The following KIF7 variants were observed in gnomAD, a reference collection of about 807,000 sequenced individuals.
The protein encoded by KIF7 is kinesin family member 7, also known as kinesin-like protein KIF7.
Under a neutral mutation model 135.7 loss-of-function variants are expected in KIF7, and 104 were observed. That is an observed-to-expected ratio of 0.77 (90% CI 0.65 to 0.90). The LOEUF (loss-of-function observed/expected upper bound fraction) is 0.90. Ranked by LOEUF, KIF7 falls within the 40% of genes least tolerant of loss-of-function variation. The probability of loss-of-function intolerance (pLI) is 0.00; values close to 1 mark genes in which losing one functional copy is unlikely to be tolerated. For missense variants in KIF7, 2,005 were observed against 1,839.1 expected (o/e 1.09, Z -1.65); for synonymous variants, 883 against 809.4 (o/e 1.09, Z -1.54).
At chr15:89,635,999 C>T (rs1358354972) in intron 11 of KIF7, among the ~76,000 whole-genome samples, 1 of 151,890 alleles carries the variant, frequency 6.6e-6, no homozygotes, top group East Asian at 1.9e-4. Flanking sequence ...ACTCTACAAG[C>T]CAGAAGAGAG....
chr15:89,623,999 C>T, downstream of KIF7: 1 of 1,614,002 alleles, frequency 6.2e-7, no homozygotes, highest in Non-Finnish European at 8.5e-7. Context: ...GCCCCTCCAA[C>T]TTCATCGACT....
chr15:89,626,317 C>T (rs185221970), downstream of KIF7, among the ~76,000 whole-genome samples: 143 of 152,292 alleles, frequency 9.4e-4, no homozygotes, highest in Middle Eastern at 3.4e-3. Flanking sequence ...GTGGGCTTGC[C>T]GCAACATGCT....
chr15:89,645,490 C>A, intron 8 of KIF7, 39 bp from the exon 9 acceptor site: 1 of 1,525,414 alleles, frequency 6.6e-7, no homozygotes, highest in South Asian at 1.2e-5. Context: ...CCTCCCCAGC[C>A]CCTGCCCCAG....
At chr15:89,624,753 C>T (rs760061593), downstream of KIF7, 21 of 1,614,050 alleles carry the variant, frequency 1.3e-5, no homozygotes, top group South Asian at 1.1e-4. Context: ...TGAAAAGTAA[C>T]GTCTTATCAG....
At chr15:89,647,117 G>T (rs1033685553) in intron 6 of KIF7, 60 bp from the exon 7 acceptor site, 3 of 1,440,370 alleles carry the variant, frequency 2.1e-6, no homozygotes, top group Non-Finnish European at 2.8e-6. Context: ...AGGAGTGTAG[G>T]AAACTGAGGA....
At chr15:89,625,527 G>A (rs569414309), downstream of KIF7, 1 of 1,613,724 alleles carries the variant, frequency 6.2e-7, no homozygotes, top group African/African-American at 1.3e-5. Context: ...AGGATTTTGA[G>A]CTCGAGGGAG....
chr15:89,638,555 GA>G (rs1314815625), intron 11 of KIF7, among the ~76,000 whole-genome samples: 4,182 of 151,792 alleles, frequency 0.028, 190 homozygotes, highest in African/African-American at 0.096. Flanking sequence ...TTGCTTCAAA[GA>G]GAATAAAATA....
intron 1 of KIF7, among the ~76,000 whole-genome samples, chr15:89,619,046 T>C (rs1305462880): frequency 6.6e-6 from 1 of 152,204 alleles, no homozygotes; most frequent in Non-Finnish European, 1.5e-5. Flanking sequence ...ACATTTATTG[T>C]GGAAAAAACA....
In KIF7 at chr15:89,628,384, G is replaced by A; in HGVS notation, c.*35C>T. On this transcript the variant is annotated 3_prime_UTR_variant, in exon 19 of 19. Transcript: ENST00000394412. ...GCAGCTGCCCCTTTCAGCAGGCTCGGAGTCTCCCTCCAAGGCAGGGTCTGC... is the reference window on the plus strand; with the variant it reads ...GCAGCTGCCCCTTTCAGCAGGCTCGAAGTCTCCCTCCAAGGCAGGGTCTGC... 2 of 1,574,930 alleles carry A rather than the reference G, an allele frequency of 1.3e-6. No homozygotes were observed. The highest frequency in any genetic ancestry group is 1.7e-6 in the Non-Finnish European group (2 of 1,161,894).
At chr15:89,643,272 A>G (rs1387910393) in intron 10 of KIF7, among the ~76,000 whole-genome samples, 3 of 152,228 alleles carry the variant, frequency 2.0e-5, no homozygotes, top group African/African-American at 4.8e-5. Context: ...TCTTATCATC[A>G]TTACCTAAAC....
chr15:89,640,199 G>A (rs1348115306), intron 11 of KIF7, among the ~76,000 whole-genome samples: 1 of 151,964 alleles, frequency 6.6e-6, no homozygotes, highest in South Asian at 2.1e-4. Flanking sequence ...GCTAGATGAC[G>A]AGTTAGTGGG....
intron 3 of KIF7, 73 bp downstream of exon 3, chr15:89,649,667 TA>T: frequency 6.8e-7 from 1 of 1,472,204 alleles, no homozygotes; most frequent in Non-Finnish European, 9.2e-7. Flanking sequence ...CCCAGACAGG[TA>T]AGCACTCCAC....
chr15:89,623,497 T>C, downstream of KIF7: 1 of 1,031,940 alleles, frequency 9.7e-7, no homozygotes, highest in East Asian at 2.4e-5. Context: ...CTATTTGAGA[T>C]TTCCATCTTT....
In KIF7 at chr15:89,654,039, T is replaced by C. The variant is rs191530579; in HGVS notation, c.-24-1085A>G. ...TTTGTTTTTTATTTGAGACGGAGTC[T>C]TGCTCTGTTGCCCAGGCTGGACTGC... On this transcript the variant is annotated intron_variant, in intron 1 of 18. Transcript: ENST00000394412. Among the ~76,000 whole-genome samples, 200 of 152,326 alleles carry C rather than the reference T, an allele frequency of 1.3e-3. 1 individual carries two copies. Among genetic ancestry groups the C allele is most frequent in the Non-Finnish European group, 8.4e-4 (57 of 68,040 alleles).
rs757946358 is a variant in KIF7, at chr15:89,628,436, G to A, written c.4015C>T (p.Arg1339Trp). 6.2e-6 allele frequency: 10 copies of A among 1,606,332 alleles called. No homozygotes were observed. The highest frequency in any genetic ancestry group is 2.7e-5 in the African/African-American group (2 of 74,694). ...RRASPGMIDV[R>W]KNPL ...CCGAGGGCTTACAGGGGGTTTTTCC[G>A]GACATCAATCATCCCCGGGCTGGCT... Residue 1339 changes from arginine to tryptophan, a missense_variant, in exon 19 of 19, where the codon CGG becomes TGG. By Grantham distance (101) the Arg-to-Trp change is moderately radical. Coordinates refer to ENST00000394412, the MANE Select transcript of KIF7 (RefSeq NM_198525.3).
downstream of KIF7, chr15:89,623,800 G>T (rs751912896): frequency 1.2e-6 from 2 of 1,613,746 alleles, no homozygotes; most frequent in South Asian, 2.2e-5. Context: ...CTCCTCACCC[G>T]GCCATGACTC....
In KIF7 at chr15:89,632,361, T is replaced by C. The variant is rs537370517; in HGVS notation, c.2895+459A>G. 7.2e-5 allele frequency among the ~76,000 whole-genome samples: 11 copies of C among 152,328 alleles called. No individual in the cohort carries two copies. In the East Asian group the frequency reaches 1.9e-3, roughly 27 times the overall value. ...CTTCCTATTCTAGATGGAGTAATGA[T>C]GCCAGGCGGAGAAGTCTCTTTCTAT... On this transcript the variant is annotated intron_variant, in intron 14 of 18. Transcript: ENST00000394412.
At position 89,645,250 on chromosome 15, in the gene KIF7, G is replaced by C. The variant is rs1051503944; in HGVS notation, c.2039-85C>G. ...TGGAGAGCAGGGGCTGCCAGGGATG[G>C]TGGGTGGGACTGTCCCAAGGTGGCT... On this transcript the variant is annotated intron_variant, in intron 9 of 18. Coordinates refer to ENST00000394412, the MANE Select transcript of KIF7 (RefSeq NM_198525.3). 4 of 1,599,856 alleles carry C rather than the reference G, an allele frequency of 2.5e-6. No individual in the cohort carries two copies. The African/African-American group carries it at 4.0e-5, about 16-fold the overall frequency.
At chr15:89,624,157 A>C, downstream of KIF7, 1 of 1,614,096 alleles carries the variant, frequency 6.2e-7, no homozygotes, top group Non-Finnish European at 8.5e-7. Flanking sequence ...ACCAGCCCAG[A>C]AACTAAAGGA....
Sources: allele counts gnomAD v4.1 joint callset (sites outside exome capture counted in the v4.1 genomes callset), GRCh38; gene constraint gnomAD v4.1.1; transcripts MANE v1.5; gene names NCBI Gene and HGNC (gene_info 2026-07-23, HGNC 2026-07-21).